The following PDE3B variants were observed in gnomAD, a reference collection of about 807,000 sequenced individuals.
PDE3B encodes the protein cGMP-inhibited 3',5'-cyclic phosphodiesterase 3B.
In PDE3B, 66 loss-of-function variants were observed where a neutral mutation model predicts 116.8. That is an observed-to-expected ratio of 0.56 (90% confidence interval 0.46 to 0.69). PDE3B has a LOEUF of 0.69. Ranked by LOEUF, PDE3B falls within the 30% of genes least tolerant of loss-of-function variation. PDE3B has a pLI of 0.00. For missense variants in PDE3B, 1,384 were observed against 1,368.1 expected (o/e 1.01, Z -0.18); for synonymous variants, 595 against 533.6 (o/e 1.12, Z -1.59).
chr11:14,789,583 A>G (rs1480490211), intron 4 of PDE3B, among the ~76,000 whole-genome samples: 2 of 152,054 alleles, frequency 1.3e-5, no homozygotes, highest in South Asian at 2.1e-4. Context: ...AATCCAATGA[A>G]TAGTATCCAA....
chr11:14,658,258 A>G (rs1445151592), intron 1 of PDE3B, among the ~76,000 whole-genome samples: 1 of 152,244 alleles, frequency 6.6e-6, no homozygotes, highest in Non-Finnish European at 1.5e-5. Flanking sequence ...AAGCCATAGG[A>G]TTGAGAAAAA....
intron 1 of PDE3B, among the ~76,000 whole-genome samples, chr11:14,758,232 T>C (rs1857253738): frequency 6.6e-6 from 1 of 151,720 alleles, no homozygotes; most frequent in Non-Finnish European, 1.5e-5. Context: ...TGAAGTCAGG[T>C]AGTGTGATGC....
intron 1 of PDE3B, among the ~76,000 whole-genome samples, chr11:14,646,793 A>G (rs2133741468): frequency 6.6e-6 from 1 of 152,244 alleles, no homozygotes; most frequent in South Asian, 2.1e-4. Context: ...ATATGTATAT[A>G]GCTATACCAG....
At chr11:14,749,760 TAGTC>T (rs1177614605) in intron 1 of PDE3B, among the ~76,000 whole-genome samples, 1 of 150,660 alleles carries the variant, frequency 6.6e-6, no homozygotes, top group East Asian at 1.9e-4. Flanking sequence ...ATTTTGATAT[TAGTC>T]AGGGTTGTCC....
At chr11:14,833,753 T>C (rs929675324) in intron 10 of PDE3B, among the ~76,000 whole-genome samples, 1 of 152,218 alleles carries the variant, frequency 6.6e-6, no homozygotes, top group African/African-American at 2.4e-5. Flanking sequence ...TATTCTTCAA[T>C]TGGCATAACT....
At chr11:14,762,794 A>T (rs1380215090) in intron 1 of PDE3B, among the ~76,000 whole-genome samples, 1 of 152,216 alleles carries the variant, frequency 6.6e-6, no homozygotes, top group African/African-American at 2.4e-5. Flanking sequence ...AAGTAGAGAT[A>T]ACAGGATTTT....
chr11:14,744,629 T>C (rs1856860169), intron 1 of PDE3B, among the ~76,000 whole-genome samples: 1 of 152,198 alleles, frequency 6.6e-6, no homozygotes, highest in Non-Finnish European at 1.5e-5. Context: ...CCAATGTGCA[T>C]ACACAGAGAA....
chr11:14,884,689 TA>T, the PDE3B span, among the ~76,000 whole-genome samples: 3 of 151,556 alleles, frequency 2.0e-5, no homozygotes, highest in East Asian at 5.8e-4. Flanking sequence ...AATAATAATT[TA>T]AAAAAATAAA....
intron 4 of PDE3B, among the ~76,000 whole-genome samples, chr11:14,793,396 C>T (rs187653723): frequency 6.6e-5 from 10 of 152,136 alleles, no homozygotes; most frequent in East Asian, 5.8e-4. Context: ...TAATTTTATG[C>T]GTGAAACAAA....
chr11:14,757,770 G>T (rs1420993618), intron 1 of PDE3B, among the ~76,000 whole-genome samples: 1 of 150,558 alleles, frequency 6.6e-6, no homozygotes, highest in East Asian at 1.9e-4. Context: ...TCACTCTGAT[G>T]GTAGTTTCTT....
chr11:14,857,089 A>C (rs1254125331), intron 12 of PDE3B, among the ~76,000 whole-genome samples: 1 of 152,196 alleles, frequency 6.6e-6, no homozygotes, highest in African/African-American at 2.4e-5. Context: ...CCCTTCTCAG[A>C]TCTTTCCAAC....
intron 6 of PDE3B, 88 bp downstream of exon 6, chr11:14,818,481 CAGCTTT>C: frequency 1.3e-6 from 1 of 780,488 alleles, no homozygotes; most frequent in Non-Finnish European, 2.1e-6. Flanking sequence ...TTGGAAACTC[CAGCTTT>C]AAGCTAAATG....
intron 7 of PDE3B, 131 bp downstream of exon 7, chr11:14,819,340 C>A: frequency 1.8e-6 from 1 of 566,714 alleles, no homozygotes; most frequent in Non-Finnish European, 3.3e-6. Flanking sequence ...TTTTTACCCA[C>A]TTCACAGAGG....
intron 1 of PDE3B, among the ~76,000 whole-genome samples, chr11:14,699,999 A>G (rs1855318781): frequency 1.3e-5 from 2 of 151,744 alleles, no homozygotes. Flanking sequence ...TTAATTATAT[A>G]TGGCTCCGAC....
intron 1 of PDE3B, among the ~76,000 whole-genome samples, chr11:14,751,913 T>G (rs1857067078): frequency 6.6e-6 from 1 of 152,080 alleles, no homozygotes; most frequent in South Asian, 2.1e-4. Context: ...AGTGGGACAT[T>G]GTAGTGCCAG....
chr11:14,805,630 A>C (rs532651309), intron 5 of PDE3B, among the ~76,000 whole-genome samples: 2 of 152,106 alleles, frequency 1.3e-5, no homozygotes, highest in Non-Finnish European at 2.9e-5. Flanking sequence ...AAAAACGTAC[A>C]TTTTTTTCAA....
chr11:14,818,736 G>A (rs1859414874), intron 6 of PDE3B, among the ~76,000 whole-genome samples: 1 of 151,656 alleles, frequency 6.6e-6, no homozygotes, highest in African/African-American at 2.4e-5. Flanking sequence ...TCTCATTTTA[G>A]TGGTTATTAA....
chr11:14,749,919 T>TATATATATATA (rs1391477381), intron 1 of PDE3B, among the ~76,000 whole-genome samples: 8 of 138,716 alleles, frequency 5.8e-5, no homozygotes, highest in South Asian at 4.6e-4. Context: ...TATATGTATC[T>TATATATATATA]TTGTGGAAGC....
downstream of PDE3B, among the ~76,000 whole-genome samples, chr11:14,873,018 C>G (rs1222785602): frequency 6.6e-6 from 1 of 152,130 alleles, no homozygotes; most frequent in Non-Finnish European, 1.5e-5. Context: ...AAAATGGAGT[C>G]ACTCATACTA....
Sources: gnomAD v4.1 joint callset for allele counts (sites outside exome capture counted in the v4.1 genomes callset) on GRCh38, gnomAD v4.1.1 for gene constraint, MANE v1.5 for transcripts, NCBI Gene and HGNC (gene_info 2026-07-23, HGNC 2026-07-21) for gene names.